The following DHDH variants were observed in gnomAD, a reference collection of about 807,000 sequenced individuals.
The protein encoded by DHDH is trans-1,2-dihydrobenzene-1,2-diol dehydrogenase.
Under a neutral mutation model 33.2 loss-of-function variants are expected in DHDH, and 29 were observed. That is an observed-to-expected ratio of 0.87 (90% CI 0.65 to 1.19). The LOEUF is 1.19. Ranked by LOEUF, DHDH falls within the 50% of genes most tolerant of loss-of-function variation. The probability of loss-of-function intolerance (pLI) is 0.00; values close to 1 mark genes in which losing one functional copy is unlikely to be tolerated. For synonymous variants in DHDH, 201 were observed against 187.9 expected (o/e 1.07, Z -0.57); for missense variants, 431 against 455.0 (o/e 0.95, Z 0.48).
intron 5 of DHDH, 46 bp downstream of exon 5, chr19:48,942,610 AGGAGG>A: frequency 1.3e-6 from 2 of 1,589,826 alleles, no homozygotes; most frequent in Non-Finnish European, 1.7e-6. Context: ...CCCCTAAAAT[AGGAGG>A]GGGACAAATG....
chr19:48,943,741 G>C (rs1433359678), intron 5 of DHDH, among the ~76,000 whole-genome samples: 1 of 151,480 alleles, frequency 6.6e-6, no homozygotes, highest in Admixed American at 6.6e-5. Flanking sequence ...CAGGAGAATT[G>C]CCTGAACCCG....
intron 4 of DHDH, among the ~76,000 whole-genome samples, chr19:48,940,661 C>T (rs1242968727): frequency 6.6e-6 from 1 of 152,114 alleles, no homozygotes; most frequent in Non-Finnish European, 1.5e-5. Flanking sequence ...CAAGACCACC[C>T]TGGCCAACAT....
chr19:48,933,510 T>C (rs2037730141), upstream of DHDH, among the ~76,000 whole-genome samples: 1 of 152,078 alleles, frequency 6.6e-6, no homozygotes, highest in Admixed American at 6.6e-5. Context: ...GACGTCAAGG[T>C]GTGGTTCCCT....
upstream of DHDH, chr19:48,933,693 G>A (rs766497785): frequency 3.7e-6 from 6 of 1,611,264 alleles, no homozygotes; most frequent in South Asian, 1.1e-5. Context: ...TGGAGGGACC[G>A]AAGGTGCCGA....
intron 3 of DHDH, among the ~76,000 whole-genome samples, chr19:48,938,803 G>A (rs1473580493): frequency 7.9e-5 from 12 of 151,914 alleles, no homozygotes; most frequent in African/African-American, 2.9e-4. Context: ...GCGCCATCAC[G>A]CCCAGCTAAA....
rs746614044 is a variant in DHDH, at chr19:48,936,181, C to T, written c.352C>T (p.Leu118Phe). The T allele has an allele frequency of 1.4e-5, 22 of 1,596,532 alleles. No homozygotes were observed. Among genetic ancestry groups the T allele is most frequent in the Non-Finnish European group, 1.8e-5 (21 of 1,173,052 alleles). ...EMVAEARSRA[L>F]FLMEAIWTRF... Reference sequence around the variant, plus strand: ...GGTCGCGGAGGCCCGATCCCGAGCCCTCTTCCTTATGGAGGTGAGGGCAGA... The same window carrying T: ...GGTCGCGGAGGCCCGATCCCGAGCCTTCTTCCTTATGGAGGTGAGGGCAGA... Residue 118 changes from leucine to phenylalanine, a missense_variant, in exon 3 of 7, where the codon CTC (leucine) becomes TTC (phenylalanine). By Grantham distance (22) the Leu-to-Phe change is conservative. Coordinates refer to ENST00000221403, the MANE Select transcript of DHDH (RefSeq NM_014475.4).
chr19:48,940,661 C>G (rs1242968727), intron 4 of DHDH, among the ~76,000 whole-genome samples: 1 of 152,114 alleles, frequency 6.6e-6, no homozygotes, highest in Non-Finnish European at 1.5e-5. Context: ...CAAGACCACC[C>G]TGGCCAACAT....
chr19:48,944,857 A>G lies in DHDH; in HGVS notation c.929A>G (p.Glu310Gly). ...GAAAGTCCTGTGATTCCCCTGTCGG[A>G]AAGTGAGCTCCTGGCTGACATCCTT... ...MKESPVIPLS[E>G]SELLADILEE... The change falls in exon 7 of 7, where the codon GAA (glutamate) becomes GGA (glycine). Residue 310 changes from glutamate to glycine, a missense_variant. Transcript: ENST00000221403. 1 of 1,613,972 alleles carries G rather than the reference A, an allele frequency of 6.2e-7. No individual in the cohort carries two copies. The highest frequency in any genetic ancestry group is 1.1e-5 in the South Asian group (1 of 91,072).
chr19:48,942,888 C>G (rs575027684), intron 5 of DHDH, among the ~76,000 whole-genome samples: 85 of 151,838 alleles, frequency 5.6e-4, no homozygotes, highest in Middle Eastern at 6.8e-3. Flanking sequence ...AACGCCATCT[C>G]TACTAAAAAT....
intron 4 of DHDH, among the ~76,000 whole-genome samples, chr19:48,940,377 C>T (rs1192178122): frequency 2.0e-5 from 3 of 151,756 alleles, no homozygotes; most frequent in Non-Finnish European, 4.4e-5. Flanking sequence ...AGCTGCCCCA[C>T]TTTGCAGAAG....
chr19:48,939,573 C>T lies in DHDH; in HGVS notation c.491C>T (p.Ala164Val). The change falls in exon 4 of 7, where the codon GCC becomes GTC. Residue 164 changes from alanine to valine, a missense_variant. Coordinates refer to ENST00000221403, the MANE Select transcript of DHDH (RefSeq NM_014475.4). ...FGKNLIHVPRAVDRAQAGGAL... is the reference protein window; with the variant it reads ...FGKNLIHVPRVVDRAQAGGAL... The stretch of plus-strand genomic sequence containing the variant: ...AAGAATCTCATCCACGTTCCCCGGG[C>T]CGTAGACCGGGCCCAGGCTGGGGGG... 3 of 1,611,530 alleles carry T rather than the reference C, an allele frequency of 1.9e-6. No individual in the cohort carries two copies. The highest frequency in any genetic ancestry group is 2.5e-6 in the Non-Finnish European group (3 of 1,179,508).
At position 48,933,705 on chromosome 19, in the gene DHDH, G is replaced by A; in HGVS notation, c.-17G>A. On this transcript the variant is annotated 5_prime_UTR_variant, in exon 1 of 7. Transcript: ENST00000221403. ...GCCTGGAGGGACCGAAGGTGCCGAG[G>A]GCTCCGCATCGCAACCATGGCGCTG... 1.2e-6 allele frequency: 2 copies of A among 1,612,914 alleles called. No homozygotes were observed. The highest frequency in any genetic ancestry group is 1.7e-6 in the Non-Finnish European group (2 of 1,179,816).
At chr19:48,937,881 C>T (rs2037803259) in intron 3 of DHDH, among the ~76,000 whole-genome samples, 1 of 151,544 alleles carries the variant, frequency 6.6e-6, no homozygotes, top group Non-Finnish European at 1.5e-5. Flanking sequence ...TCTCCCGGCT[C>T]TCCCGTGACA....
chr19:48,936,222 T>A (rs2037773438), intron 3 of DHDH, 27 bp downstream of exon 3: 1 of 1,550,290 alleles, frequency 6.5e-7, no homozygotes, highest in Non-Finnish European at 8.7e-7. Flanking sequence ...CCTTCCAATA[T>A]CCAGCGTAAA....
chr19:48,935,261 C>A, intron 2 of DHDH, 150 bp downstream of exon 2: 1 of 592,394 alleles, frequency 1.7e-6, no homozygotes, highest in Non-Finnish European at 2.7e-6. Flanking sequence ...ATAAAACGGG[C>A]TTGGTCTGGG....
chr19:48,937,229 C>T (rs954430896), intron 3 of DHDH, among the ~76,000 whole-genome samples: 1 of 152,160 alleles, frequency 6.6e-6, no homozygotes, highest in African/African-American at 2.4e-5. Flanking sequence ...AGGCTCAGAG[C>T]CTGCGCAGAG....
At chr19:48,934,880 A>G (rs904278905) in intron 1 of DHDH, 120 bp from the exon 2 acceptor site, 25 of 667,622 alleles carry the variant, frequency 3.7e-5, no homozygotes, top group Non-Finnish European at 5.5e-5. Flanking sequence ...AGCCCCCGTC[A>G]TCTCTTCCCC....
chr19:48,944,913 T>G lies in DHDH; in HGVS notation c.985T>G (p.Phe329Val). 1 of 1,614,084 alleles carries G rather than the reference T, an allele frequency of 6.2e-7. No individual in the cohort carries two copies. Among genetic ancestry groups the G allele is most frequent in the African/African-American group, 1.3e-5 (1 of 75,034 alleles). Residue 329 changes from phenylalanine (F) to valine (V), a missense_variant, in exon 7 of 7, where the codon TTC becomes GTC. Physicochemically the swap from Phe to Val is conservative, Grantham distance 50 (BLOSUM62 -1). Transcript: ENST00000221403. ...EEVRKAIGVT[F>V]PQDKR is the part of the protein sequence containing the mutation. ...GGTGAGGAAGGCCATTGGAGTCACC[T>G]TCCCCCAAGACAAACGCTGATGTAT...
intron 4 of DHDH, 113 bp from the exon 5 acceptor site, chr19:48,942,327 C>A: frequency 8.3e-7 from 1 of 1,197,980 alleles, no homozygotes. Context: ...TTTGCCTTGC[C>A]ATGCAAGAAG....
Sources: gnomAD v4.1 joint callset for allele counts (sites outside exome capture counted in the v4.1 genomes callset) on GRCh38, gnomAD v4.1.1 for gene constraint, MANE v1.5 for transcripts, NCBI Gene and HGNC (gene_info 2026-07-23, HGNC 2026-07-21) for gene names.